GRIP1: variants seen among roughly 807,000 people sequenced by gnomAD.
GRIP1 encodes glutamate receptor interacting protein 1.
GRIP1 carries 45 observed loss-of-function variants against 129.9 expected under a neutral mutation model. That is an observed-to-expected ratio of 0.35 (90% CI 0.27 to 0.44). The LOEUF is 0.44. GRIP1 is among the 20% of genes least tolerant of loss of function. The pLI, the probability that GRIP1 is intolerant of heterozygous loss-of-function variation, is 1.00. For synonymous variants in GRIP1, 530 were observed against 520.8 expected (o/e 1.02, Z -0.24); for missense variants, 1,196 against 1,396.8 (o/e 0.86, Z 2.29).
At chr12:66,943,655 T>C (rs1170674020) in intron 1 of GRIP1, among the ~76,000 whole-genome samples, 1 of 152,198 alleles carries the variant, frequency 6.6e-6, no homozygotes, top group Non-Finnish European at 1.5e-5. Context: ...TCATTCTGCT[T>C]GTGAAATTTC....
chr12:66,965,122 C>A (rs1382914572), intron 1 of GRIP1, among the ~76,000 whole-genome samples: 1 of 152,034 alleles, frequency 6.6e-6, no homozygotes, highest in Non-Finnish European at 1.5e-5. Flanking sequence ...AAGTCAGTCC[C>A]TAATAATATT....
chr12:66,676,173 A>C (rs2034318837), intron 1 of GRIP1, among the ~76,000 whole-genome samples: 1 of 152,206 alleles, frequency 6.6e-6, no homozygotes, highest in South Asian at 2.1e-4. Context: ...CCAGCCCAGA[A>C]TTCTAAGTGC....
chr12:66,442,946 A>G (rs944611284), intron 13 of GRIP1, among the ~76,000 whole-genome samples: 2 of 152,202 alleles, frequency 1.3e-5, no homozygotes, highest in Non-Finnish European at 2.9e-5. Flanking sequence ...CTACTATTAC[A>G]TCTACATTGT....
At chr12:66,597,355 A>G (rs1404129657) in intron 1 of GRIP1, among the ~76,000 whole-genome samples, 2 of 152,216 alleles carry the variant, frequency 1.3e-5, no homozygotes, top group African/African-American at 2.4e-5. Flanking sequence ...AGAACAAAGA[A>G]AGTAAAAAGG....
At chr12:66,361,753 T>C (rs769310060) in intron 23 of GRIP1, among the ~76,000 whole-genome samples, 69 of 152,260 alleles carry the variant, frequency 4.5e-4, no homozygotes, top group Non-Finnish European at 3.1e-4. Flanking sequence ...GCTTTCTAGC[T>C]CCCAGCTTGG....
At chr12:67,034,568 G>A (rs2043068096) in intron 1 of GRIP1, among the ~76,000 whole-genome samples, 1 of 152,224 alleles carries the variant, frequency 6.6e-6, no homozygotes, top group African/African-American at 2.4e-5. Context: ...GAACACCTAT[G>A]TAAGGCACTT....
chr12:66,754,323 A>G (rs1308676320), intron 1 of GRIP1, among the ~76,000 whole-genome samples: 1 of 152,200 alleles, frequency 6.6e-6, no homozygotes, highest in East Asian at 1.9e-4. Flanking sequence ...AAAAATTGAA[A>G]CAAAACCCAT....
intron 1 of GRIP1, among the ~76,000 whole-genome samples, chr12:66,830,759 C>G (rs1031039309): frequency 6.6e-6 from 1 of 151,768 alleles, no homozygotes; most frequent in Non-Finnish European, 1.5e-5. Context: ...TCCAAGGTCA[C>G]ACAGCTGCTA....
chr12:66,558,286 G>A lies in GRIP1; in HGVS notation c.137-16336C>T, dbSNP rs528032836. ...GAGACTCACAATCATGGAGGAAGGCGAAAGGCATCTCTTACATGGTGGCAG... is the reference window on the plus strand; with the variant it reads ...GAGACTCACAATCATGGAGGAAGGCAAAAGGCATCTCTTACATGGTGGCAG... On this transcript the variant is annotated intron_variant, in intron 2 of 24. Transcript: ENST00000359742. Among the ~76,000 whole-genome samples the A allele has an allele frequency of 3.4e-4, 52 of 152,228 alleles. No individual in the cohort carries two copies. The South Asian group carries it at 6.0e-3, about 18-fold the overall frequency.
At chr12:66,477,889 A>G (rs1296627458) in intron 7 of GRIP1, among the ~76,000 whole-genome samples, 1 of 152,228 alleles carries the variant, frequency 6.6e-6, no homozygotes, top group Non-Finnish European at 1.5e-5. Context: ...AAGATGGATT[A>G]AAGACTTAAA....
intron 1 of GRIP1, among the ~76,000 whole-genome samples, chr12:66,984,610 T>C (rs565836811): frequency 1.3e-5 from 2 of 152,266 alleles, no homozygotes; most frequent in South Asian, 4.1e-4. Flanking sequence ...ACTAAGTAAC[T>C]TGCCCAGGAA....
intron 1 of GRIP1, among the ~76,000 whole-genome samples, chr12:66,873,786 T>C (rs1370333146): frequency 6.6e-6 from 1 of 152,106 alleles, no homozygotes. Context: ...ATCCTTTTGA[T>C]AAAAGGATTT....
In GRIP1 at chr12:66,436,974, C is replaced by CA. The variant is rs71069003; in HGVS notation, c.1688-4347dup. Among the ~76,000 whole-genome samples, 547 of 113,192 alleles carry CA rather than the reference C, an allele frequency of 4.8e-3. 5 individuals are homozygous for CA. The highest frequency in any genetic ancestry group is 0.012 in the East Asian group (43 of 3,446). The allele number at this position is 113,192 out of a possible 152,430, so 74.3% of individuals were successfully genotyped here. ...GGGTAACAGAGCAAGACTCTGTCTC[C>CA]AAAAAAAAAAAAAAAAAAAAAAGGA... On this transcript the variant is annotated intron_variant, in intron 13 of 24. Transcript: ENST00000359742.
rs188685767 is a variant in GRIP1 at position 66,620,710 on chromosome 12, C to T, written c.56-23783G>A. Among the ~76,000 whole-genome samples, 407 of 150,756 alleles carry T rather than the reference C, an allele frequency of 2.7e-3. 4 individuals carry two copies. The highest frequency in any genetic ancestry group is 9.5e-3 in the African/African-American group (391 of 41,030). Reference sequence around the variant, plus strand: ...TTCTTTATTTCTCCTTCCTGCCTTCCTTCCTTCCTTTTCTCCCTCTCGCTC... The same window carrying T: ...TTCTTTATTTCTCCTTCCTGCCTTCTTTCCTTCCTTTTCTCCCTCTCGCTC... On this transcript the variant is annotated intron_variant, in intron 1 of 24. Transcript: ENST00000359742.
At chr12:66,804,619 G>C (rs1049897770), upstream of GRIP1, among the ~76,000 whole-genome samples, 2 of 152,122 alleles carry the variant, frequency 1.3e-5, no homozygotes, top group Admixed American at 1.3e-4. Context: ...TCATCATCGG[G>C]GCGGGGGTAT....
chr12:66,911,308 A>C (rs956319167), intron 1 of GRIP1, among the ~76,000 whole-genome samples: 2 of 152,210 alleles, frequency 1.3e-5, no homozygotes, highest in Non-Finnish European at 2.9e-5. Flanking sequence ...TCTTAGAAAA[A>C]AATTTTTAAA....
At chr12:66,975,922 T>C (rs955597155) in intron 1 of GRIP1, among the ~76,000 whole-genome samples, 2 of 152,230 alleles carry the variant, frequency 1.3e-5, no homozygotes, top group East Asian at 3.8e-4. Flanking sequence ...CTCATAGAGA[T>C]GGATTTTGTG....
chr12:66,942,473 G>A (rs1419570362), intron 1 of GRIP1, among the ~76,000 whole-genome samples: 1 of 152,056 alleles, frequency 6.6e-6, no homozygotes, highest in Non-Finnish European at 1.5e-5. Flanking sequence ...TCAGTAAAGG[G>A]GCACCCTAAC....
At position 66,578,161 on chromosome 12, in the gene GRIP1, G is replaced by C. The variant is rs1454083732; in HGVS notation, c.136+18686C>G. Among the ~76,000 whole-genome samples the C allele has an allele frequency of 2.0e-5, 3 of 151,006 alleles. No individual in the cohort carries two copies. The East Asian group carries it at 5.8e-4, about 29-fold the overall frequency. ...TCAGGCCTGTAATCCCAGCATTTTG[G>C]GAAGCCAAGGCAGGTGGATCAACAG... On this transcript the variant is annotated intron_variant, in intron 2 of 24. Coordinates refer to ENST00000359742, the MANE Select transcript of GRIP1 (RefSeq NM_001366722.1).
Sources: gnomAD v4.1 joint callset for allele counts (sites outside exome capture counted in the v4.1 genomes callset) on GRCh38, gnomAD v4.1.1 for gene constraint, MANE v1.5 for transcripts, NCBI Gene and HGNC (gene_info 2026-07-23, HGNC 2026-07-21) for gene names.